TMED10: variants seen among roughly 807,000 people sequenced by gnomAD.
TMED10 encodes transmembrane emp24 domain-containing protein 10.
In TMED10, 7 loss-of-function variants were observed where a neutral mutation model predicts 23.1. The observed-to-expected ratio is 0.30, with a 90% CI of 0.17 to 0.57. The LOEUF (loss-of-function observed/expected upper bound fraction) is 0.57. TMED10 is among the 20% of genes least tolerant of loss of function. The probability of loss-of-function intolerance (pLI) is 0.91; values close to 1 mark genes in which losing one functional copy is unlikely to be tolerated. For missense variants in TMED10, 162 were observed against 274.8 expected, an observed-to-expected ratio of 0.59 and a Z score of 2.90; for synonymous variants, 113 against 106.9, an observed-to-expected ratio of 1.06 and a Z score of -0.35.
intron 2 of TMED10, among the ~76,000 whole-genome samples, chr14:75,149,177 A>G (rs1363772070): frequency 1.3e-5 from 2 of 152,238 alleles, no homozygotes; most frequent in African/African-American, 4.8e-5. Flanking sequence ...TCAGCCTCCC[A>G]AAGTGCTGGG....
intron 3 of TMED10, 125 bp from the exon 4 acceptor site, chr14:75,136,011 T>C (rs1895744877): frequency 7.4e-7 from 1 of 1,344,068 alleles, no homozygotes; most frequent in East Asian, 2.5e-5. Flanking sequence ...TCAATCATCC[T>C]AACATATTTT....
rs754244279 is a variant in TMED10 at position 75,131,596 on chromosome 14, G to A, written c.*3289C>T. 2.6e-5 allele frequency: 4 copies of A among 152,492 alleles called. No individual in the cohort carries two copies. Among genetic ancestry groups the A allele is most frequent in the Admixed American group, 6.5e-5 (1 of 15,274 alleles). The allele number at this position is 152,492 out of a possible 1,614,324, so 9.4% of individuals were successfully genotyped here. A position where few individuals can be genotyped will look rare whatever the true frequency, so the allele number is the denominator to read the frequency against. ...ACCAAGAAATGGCTTTATGACAGGG[G>A]TCCATGACAATGGTATAACAAGGCT... On this transcript the variant is annotated 3_prime_UTR_variant, in exon 5 of 5. Transcript: ENST00000303575.
intron 1 of TMED10, among the ~76,000 whole-genome samples, chr14:75,166,305 A>G (rs10149880): frequency 0.54 from 82,400 of 151,952 alleles, 23,422 homozygotes; most frequent in African/African-American, 0.68. Flanking sequence ...GCCCAAGTTC[A>G]GGTCTGTGGC....
At chr14:75,161,384 T>C (rs1454166052) in intron 1 of TMED10, among the ~76,000 whole-genome samples, 2 of 152,182 alleles carry the variant, frequency 1.3e-5, no homozygotes, top group Non-Finnish European at 2.9e-5. Flanking sequence ...AGAACCTAAA[T>C]TGAGCAAATG....
chr14:75,153,331 T>C lies in TMED10; in HGVS notation c.226-1188A>G, dbSNP rs986984497. The stretch of plus-strand genomic sequence containing the variant: ...AATTTATCCTAAAAAAAAAAAGGTA[T>C]CTTTGGCTTCCATAAATGATTATTC... On this transcript the variant is annotated intron_variant, in intron 1 of 4. Coordinates refer to ENST00000303575, the MANE Select transcript of TMED10 (RefSeq NM_006827.6). Among the ~76,000 whole-genome samples, 22 of 151,748 alleles carry C rather than the reference T, an allele frequency of 1.4e-4. No homozygotes were observed. The East Asian group carries it at 3.7e-3, about 25-fold the overall frequency.
At chr14:75,152,855 C>T (rs1895971593) in intron 1 of TMED10, among the ~76,000 whole-genome samples, 1 of 151,934 alleles carries the variant, frequency 6.6e-6, no homozygotes, top group Non-Finnish European at 1.5e-5. Context: ...CGCGGTGGCT[C>T]ACGCCTGTAA....
chr14:75,151,157 C>T (rs533841538), intron 2 of TMED10, among the ~76,000 whole-genome samples: 7 of 151,398 alleles, frequency 4.6e-5, no homozygotes, highest in East Asian at 2.0e-4. Flanking sequence ...CCGCCCGCCT[C>T]GGCCTCCCAA....
chr14:75,153,777 C>CTTTTTTCTT (rs1895984997), intron 1 of TMED10, among the ~76,000 whole-genome samples: 1 of 131,752 alleles, frequency 7.6e-6, no homozygotes, highest in Non-Finnish European at 1.6e-5. Flanking sequence ...TTTTTTTTCC[C>CTTTTTTCTT]TTTTTTTTTT....
chr14:75,150,148 T>C (rs1446391033), intron 2 of TMED10, among the ~76,000 whole-genome samples: 1 of 151,904 alleles, frequency 6.6e-6, no homozygotes, highest in Non-Finnish European at 1.5e-5. Context: ...AAAGATTAAC[T>C]CGAAAGCAAG....
chr14:75,135,584 C>G (rs1040740553), intron 4 of TMED10, 176 bp downstream of exon 4: 2 of 824,114 alleles, frequency 2.4e-6, no homozygotes, highest in African/African-American at 1.7e-5. Flanking sequence ...AGTTTCTACT[C>G]TCTTGAAAAT....
chr14:75,176,375 C>A lies in TMED10; in HGVS notation c.205G>T (p.Gly69Cys). 6.2e-7 allele frequency: 1 copy of A among 1,614,218 alleles called. No individual in the cohort carries two copies. The highest frequency in any genetic ancestry group is 1.6e-4 in the Middle Eastern group (1 of 6,062). The change falls in exon 1 of 5, where the codon GGC becomes TGC. Residue 69 changes from glycine (G) to cysteine (C), a missense_variant. Gly to Cys is a radical substitution (Grantham distance 159). Transcript: ENST00000303575. ...EISDQSGGAGGLRSHLKITDS... is the reference protein window; with the variant it reads ...EISDQSGGAGCLRSHLKITDS... ...CGCACCTTGAGGTGGCTGCGCAGGC[C>A]GCCAGCGCCCCCAGACTGGTCGGAG...
intron 2 of TMED10, 21 bp from the exon 3 acceptor site, chr14:75,147,758 A>T (rs1441571805): frequency 6.2e-7 from 1 of 1,613,880 alleles, no homozygotes. Context: ...AATCAAAGGA[A>T]TCATTGTGTG....
chr14:75,157,673 C>T (rs1314066389), intron 1 of TMED10, among the ~76,000 whole-genome samples: 1 of 150,812 alleles, frequency 6.6e-6, no homozygotes, highest in African/African-American at 2.4e-5. Context: ...GTGCAGTGGC[C>T]CACACCTGTA....
intron 1 of TMED10, among the ~76,000 whole-genome samples, chr14:75,167,399 C>T (rs1439929882): frequency 1.3e-5 from 2 of 151,844 alleles, no homozygotes; most frequent in African/African-American, 4.8e-5. Flanking sequence ...CCTCTTCGCC[C>T]CTCTGCCTCT....
rs1032819465 is a variant in TMED10, at chr14:75,133,476, ATAG to A, written c.*1406_*1408del. 6.6e-6 allele frequency: 1 copy of A among 152,268 alleles called. No homozygotes were observed. Among genetic ancestry groups the A allele is most frequent in the Admixed American group, 6.5e-5 (1 of 15,292 alleles). The allele number at this position is 152,268 out of a possible 1,614,324, so 9.4% of individuals were successfully genotyped here. A position where few individuals can be genotyped will look rare whatever the true frequency, so the allele number is the denominator to read the frequency against. On this transcript the variant is annotated 3_prime_UTR_variant, in exon 5 of 5. Coordinates refer to ENST00000303575, the MANE Select transcript of TMED10 (RefSeq NM_006827.6). ...TCTATGTGAATGGTTAAGATAAAAA[ATAG>A]TAGTAATACCAAATGCTGGTGAGGA... is the stretch of plus-strand genomic sequence containing the variant.
intron 1 of TMED10, among the ~76,000 whole-genome samples, chr14:75,164,577 ATTTTTT>A (rs60845992): frequency 6.7e-5 from 3 of 45,092 alleles, no homozygotes; most frequent in African/African-American, 6.5e-4. Flanking sequence ...ATATATATAT[ATTTTTT>A]TTTTTTTTTT....
chr14:75,142,719 AAC>A (rs1895837766), intron 3 of TMED10, among the ~76,000 whole-genome samples: 1 of 152,168 alleles, frequency 6.6e-6, no homozygotes, highest in Non-Finnish European at 1.5e-5. Flanking sequence ...AGACTTGGTA[AAC>A]ACTTGTAATT....
At chr14:75,172,072 A>G (rs1200495632) in intron 1 of TMED10, among the ~76,000 whole-genome samples, 1 of 152,094 alleles carries the variant, frequency 6.6e-6, no homozygotes, top group African/African-American at 2.4e-5. Flanking sequence ...CAAAAAATAT[A>G]GTGGAAGAAC....
intron 1 of TMED10, 65 bp downstream of exon 1, chr14:75,176,290 C>T (rs1361401335): frequency 1.1e-5 from 18 of 1,593,150 alleles, no homozygotes; most frequent in Non-Finnish European, 1.5e-5. Context: ...CTCCCCCGAA[C>T]CCGAGCCTCC....
Sources: allele counts gnomAD v4.1 joint callset (sites outside exome capture counted in the v4.1 genomes callset), GRCh38; gene constraint gnomAD v4.1.1; transcripts MANE v1.5; gene names NCBI Gene and HGNC (gene_info 2026-07-23, HGNC 2026-07-21).